The following MYRIP variants were observed in gnomAD, a reference collection of about 807,000 sequenced individuals.
The protein encoded by MYRIP is myosin VIIA and Rab interacting protein.
In MYRIP, 49 loss-of-function variants were observed where a neutral mutation model predicts 98.0. That is an observed-to-expected ratio of 0.50 (90% CI 0.40 to 0.63). The LOEUF is 0.63. Ranked by LOEUF, MYRIP falls within the 30% of genes least tolerant of loss-of-function variation. The pLI is 0.00. For missense variants in MYRIP, 1,004 were observed against 1,058.2 expected (o/e 0.95, Z 0.71); for synonymous variants, 404 against 409.5 (o/e 0.99, Z 0.16).
At chr3:40,067,624 T>TCAGAATGAAGG (rs1442286023) in intron 3 of MYRIP, among the ~76,000 whole-genome samples, 3 of 152,128 alleles carry the variant, frequency 2.0e-5, no homozygotes, top group African/African-American at 4.8e-5. Context: ...GGTATTGTAC[T>TCAGAATGAAGG]CAGAATGAAG....
At chr3:40,247,124 G>C (rs1953231319) in intron 13 of MYRIP, among the ~76,000 whole-genome samples, 1 of 152,122 alleles carries the variant, frequency 6.6e-6, no homozygotes, top group Non-Finnish European at 1.5e-5. Flanking sequence ...GTGTTTGGGA[G>C]GATTTTATTG....
At chr3:40,067,639 G>A (rs1245031311) in intron 3 of MYRIP, among the ~76,000 whole-genome samples, 1 of 152,148 alleles carries the variant, frequency 6.6e-6, no homozygotes, top group East Asian at 1.9e-4. Context: ...ATGAAGGATA[G>A]GCCTTATTTC....
intron 3 of MYRIP, among the ~76,000 whole-genome samples, chr3:40,094,283 T>C (rs1468550655): frequency 2.6e-5 from 4 of 152,250 alleles, no homozygotes; most frequent in Non-Finnish European, 5.9e-5. Flanking sequence ...CACAACCCTA[T>C]GAAACAAGAC....
At chr3:39,843,112 T>C (rs919247476) in intron 1 of MYRIP, among the ~76,000 whole-genome samples, 1 of 152,228 alleles carries the variant, frequency 6.6e-6, no homozygotes, top group African/African-American at 2.4e-5. Flanking sequence ...CCTCCTTCCA[T>C]GGAGGCTTCT....
intron 16 of MYRIP, among the ~76,000 whole-genome samples, chr3:40,256,732 T>G (rs1442989707): frequency 6.6e-6 from 1 of 151,956 alleles, no homozygotes; most frequent in Non-Finnish European, 1.5e-5. Flanking sequence ...TATTAAACCT[T>G]TCAAAAACAT....
intron 3 of MYRIP, among the ~76,000 whole-genome samples, chr3:40,048,380 G>A (rs1314099566): frequency 6.6e-6 from 1 of 151,966 alleles, no homozygotes. Context: ...AGATACTGTG[G>A]GCTATGAATA....
intron 1 of MYRIP, among the ~76,000 whole-genome samples, chr3:39,895,222 C>G (rs1044954275): frequency 1.3e-5 from 2 of 151,144 alleles, no homozygotes; most frequent in Non-Finnish European, 2.9e-5. Flanking sequence ...AGTCTCACTC[C>G]GTCGCCCAGG....
intron 2 of MYRIP, among the ~76,000 whole-genome samples, chr3:40,027,230 A>G (rs1559370063): frequency 6.6e-6 from 1 of 152,048 alleles, no homozygotes; most frequent in African/African-American, 2.4e-5. Flanking sequence ...AACAGGTGCA[A>G]CAGAGATCAG....
In MYRIP at chr3:40,170,030, A is replaced by G. The variant is rs1367696568; in HGVS notation, c.810A>G (p.Thr270=). Residue 270 remains threonine (T), a synonymous_variant, in exon 8 of 17, where the codon ACA becomes ACG. Transcript: ENST00000302541. ...GGCCACATCCCCAGAGTTGCAGCAC[A>G]AAGGTGGCAGATGAGGGGACCTCAG... ...PGWPHPQSCS[T]KVADEGTSAS... The G allele has an allele frequency of 6.8e-6, 11 of 1,614,232 alleles. No individual in the cohort carries two copies. Among genetic ancestry groups the G allele is most frequent in the Non-Finnish European group, 7.6e-6 (9 of 1,180,046 alleles).
chr3:40,027,465 G>A (rs186268188), intron 2 of MYRIP, among the ~76,000 whole-genome samples: 214 of 152,022 alleles, frequency 1.4e-3, no homozygotes, highest in Non-Finnish European at 2.3e-3. Flanking sequence ...TTTGCTACTT[G>A]TTCTGTCTGG....
rs116375578 is a variant in MYRIP, at chr3:39,911,890, C to A, written c.110+10964C>A. The stretch of plus-strand genomic sequence containing the variant: ...CTCCTTACTCAGCTTCTGAAGCCAA[C>A]AGATCCACCTCCTGGTCCGTTTCTG... On this transcript the variant is annotated intron_variant, in intron 2 of 16. Transcript: ENST00000302541. Among the ~76,000 whole-genome samples, 1,381 of 152,312 alleles carry A rather than the reference C, an allele frequency of 9.1e-3. 26 individuals carry two copies. Among genetic ancestry groups the A allele is most frequent in the African/African-American group, 0.032 (1,325 of 41,582 alleles).
In MYRIP at chr3:40,244,574, G is replaced by A. The variant is rs150468012; in HGVS notation, c.2229G>A (p.Thr743=). 1.1e-3 allele frequency: 1,807 copies of A among 1,613,652 alleles called. 2 individuals are homozygous for A. Among genetic ancestry groups the A allele is most frequent in the Non-Finnish European group, 1.2e-3 (1,379 of 1,179,866 alleles). Residue 743 remains threonine (T), a synonymous_variant, in exon 13 of 17, where the codon ACG becomes ACA. Transcript: ENST00000302541. ...CGGATCTGGAGGACCAGGTGGCCAC[G>A]GCTGCAGCCCAAGTCCACCATGCTG... ...HLADLEDQVA[T]AAAQVHHAEL...
At chr3:39,851,527 T>G (rs2125606466) in intron 1 of MYRIP, among the ~76,000 whole-genome samples, 2 of 152,326 alleles carry the variant, frequency 1.3e-5, no homozygotes, top group South Asian at 4.1e-4. Context: ...TTGCAGGAAC[T>G]TCTGTCACCA....
chr3:40,188,437 A>T (rs1326103445), intron 9 of MYRIP, among the ~76,000 whole-genome samples: 1 of 151,268 alleles, frequency 6.6e-6, no homozygotes, highest in Non-Finnish European at 1.5e-5. Context: ...TGGGGTCCTC[A>T]TCACTGCCCC....
chr3:40,178,310 T>C (rs1403020824), intron 8 of MYRIP, among the ~76,000 whole-genome samples: 1 of 152,242 alleles, frequency 6.6e-6, no homozygotes, highest in Non-Finnish European at 1.5e-5. Flanking sequence ...CAAAGAATGC[T>C]GTAACAAAAG....
chr3:39,958,861 T>G (rs28749814), intron 2 of MYRIP, among the ~76,000 whole-genome samples: 40,411 of 152,018 alleles, frequency 0.27, 5,853 homozygotes, highest in Middle Eastern at 0.37. Flanking sequence ...AAAAAGTGGG[T>G]GAAGTATATG....
At chr3:39,887,676 A>G (rs1376740678) in intron 1 of MYRIP, among the ~76,000 whole-genome samples, 1 of 152,172 alleles carries the variant, frequency 6.6e-6, no homozygotes, top group Non-Finnish European at 1.5e-5. Flanking sequence ...AGTTCTGGCC[A>G]GGGCAATCAG....
intron 1 of MYRIP, among the ~76,000 whole-genome samples, chr3:39,878,372 G>A (rs1559506582): frequency 6.6e-6 from 1 of 152,132 alleles, no homozygotes; most frequent in African/African-American, 2.4e-5. Flanking sequence ...CCCACTGTCT[G>A]GCACTCACTA....
At chr3:40,018,756 T>C (rs1367083164) in intron 2 of MYRIP, among the ~76,000 whole-genome samples, 1 of 152,084 alleles carries the variant, frequency 6.6e-6, no homozygotes, top group African/African-American at 2.4e-5. Flanking sequence ...CAAAAAGAGG[T>C]TACTTCCATA....
Sources: allele counts gnomAD v4.1 joint callset (sites outside exome capture counted in the v4.1 genomes callset), GRCh38; gene constraint gnomAD v4.1.1; transcripts MANE v1.5; gene names NCBI Gene and HGNC (gene_info 2026-07-23, HGNC 2026-07-21).